WWTR1: variants seen among roughly 807,000 people sequenced by gnomAD.
WWTR1 encodes WW domain-containing transcription regulator protein 1.
In WWTR1, 13 loss-of-function variants were observed where a neutral mutation model predicts 40.1. The ratio of observed to expected loss-of-function variants is 0.32; its 90% CI spans 0.21 to 0.52. The LOEUF is 0.52. Ranked by LOEUF, WWTR1 falls within the 20% of genes least tolerant of loss-of-function variation. WWTR1 has a pLI of 0.97. For synonymous variants in WWTR1, 230 were observed against 210.1 expected (o/e 1.09, Z -0.82); for missense variants, 436 against 523.1 (o/e 0.83, Z 1.63).
At chr3:149,624,214 C>T (rs1025219816) in intron 2 of WWTR1, among the ~76,000 whole-genome samples, 1 of 146,364 alleles carries the variant, frequency 6.8e-6, no homozygotes, top group East Asian at 2.3e-4. Flanking sequence ...CGGGTGAGGG[C>T]GGGTAGAGGG....
chr3:149,715,210 G>A (rs1715574523), intron 5 of WWTR1, among the ~76,000 whole-genome samples: 1 of 152,224 alleles, frequency 6.6e-6, no homozygotes, highest in South Asian at 2.1e-4. Flanking sequence ...TGTCCACCAT[G>A]TTGTGGGTGA....
intron 6 of WWTR1, among the ~76,000 whole-genome samples, chr3:149,521,737 G>T (rs1735054539): frequency 6.6e-6 from 1 of 152,204 alleles, no homozygotes; most frequent in African/African-American, 2.4e-5. Flanking sequence ...TCTGGGATAT[G>T]ACATGAAGAA....
chr3:149,625,030 C>A (rs972332572), intron 2 of WWTR1, among the ~76,000 whole-genome samples: 3 of 151,018 alleles, frequency 2.0e-5, no homozygotes, highest in Non-Finnish European at 2.9e-5. Context: ...CATGCCCGTA[C>A]CATTCTTAAT....
At chr3:149,664,221 G>A (rs532054029) in intron 2 of WWTR1, among the ~76,000 whole-genome samples, 1 of 152,372 alleles carries the variant, frequency 6.6e-6, no homozygotes, top group Non-Finnish European at 1.5e-5. Flanking sequence ...CAGAGCCAGG[G>A]TTGGGTCACC....
chr3:149,684,567 T>C (rs1209372241), intron 1 of WWTR1, among the ~76,000 whole-genome samples: 1 of 152,002 alleles, frequency 6.6e-6, no homozygotes, highest in Non-Finnish European at 1.5e-5. Context: ...TATTCTTTTT[T>C]TTTTTTTCCT....
At position 149,643,282 on chromosome 3, in the gene WWTR1, A is replaced by T. The variant is rs572886680; in HGVS notation, c.431+13594T>A. Among the ~76,000 whole-genome samples the T allele has an allele frequency of 5.1e-4, 78 of 152,278 alleles. No individual in the cohort carries two copies. In the South Asian group the frequency reaches 5.2e-3, roughly 10 times the overall value. ...AAACTACAGTTACATAATATTTGGA[A>T]CCATAAATTTTTTACTGATACTCTC... On this transcript the variant is annotated intron_variant, in intron 2 of 6. Coordinates refer to ENST00000360632, the MANE Select transcript of WWTR1 (RefSeq NM_015472.6).
chr3:149,656,988 C>T lies in WWTR1; in HGVS notation c.319G>A (p.Ala107Thr). 6.3e-7 allele frequency: 1 copy of T among 1,598,590 alleles called. No homozygotes were observed. ...TGGCGGAGGTGCGCGTGCTGCTGCG[C>T]GGGGCTACCCGCAGCACCCGCGCCG... ...GTGAGAAGSP[A>T]QQHAHLRQQS... The change falls in exon 2 of 7, where the codon GCG becomes ACG. Residue 107 changes from alanine (A) to threonine (T), a missense_variant. Transcript: ENST00000360632.
At chr3:149,706,505 A>G (rs1430203164), upstream of WWTR1, among the ~76,000 whole-genome samples, 1 of 151,988 alleles carries the variant, frequency 6.6e-6, no homozygotes, top group East Asian at 1.9e-4. Flanking sequence ...TTTAGTAGAG[A>G]CAGGGTTTCT....
chr3:149,566,536 G>A (rs750036124), intron 3 of WWTR1, among the ~76,000 whole-genome samples: 2 of 152,008 alleles, frequency 1.3e-5, no homozygotes, highest in African/African-American at 4.8e-5. Flanking sequence ...TGTGTCTGCC[G>A]TGAACTCACC....
chr3:149,518,904 C>T lies in WWTR1; in HGVS notation c.*1901G>A, dbSNP rs1456573569. 2 of 151,738 alleles carry T rather than the reference C, an allele frequency of 1.3e-5. No homozygotes were observed. The highest frequency in any genetic ancestry group is 2.9e-5 in the Non-Finnish European group (2 of 67,998). 9.4% of individuals were successfully genotyped at this position (151,738 alleles called of 1,614,324 possible). On this transcript the variant is annotated 3_prime_UTR_variant, in exon 7 of 7. Transcript: ENST00000360632. ...TTCCATTTCACAACTAGTATCCTTT[C>T]CACGATATTCCATAACTTTGCTACT...
At chr3:149,721,766 G>A (rs955043500) in intron 4 of WWTR1, among the ~76,000 whole-genome samples, 1 of 152,130 alleles carries the variant, frequency 6.6e-6, no homozygotes, top group Non-Finnish European at 1.5e-5. Flanking sequence ...GGTTTCTTAT[G>A]TTGCCCAGGC....
chr3:149,703,561 C>T (rs1213412554), upstream of WWTR1, among the ~76,000 whole-genome samples: 1 of 152,108 alleles, frequency 6.6e-6, no homozygotes, highest in African/African-American at 2.4e-5. Flanking sequence ...AAGAATATCT[C>T]CTCCCCACCC....
At chr3:149,587,443 G>C (rs967504059) in intron 2 of WWTR1, among the ~76,000 whole-genome samples, 1 of 152,160 alleles carries the variant, frequency 6.6e-6, no homozygotes, top group Non-Finnish European at 1.5e-5. Context: ...CCACCCAAAA[G>C]GTGGGAAGCG....
At chr3:149,701,554 C>T (rs1004052472) in intron 1 of WWTR1, 4 of 180,120 alleles carry the variant, frequency 2.2e-5, no homozygotes, top group South Asian at 2.0e-4. Context: ...TTCTAAGAAA[C>T]GTATGAATTC....
intron 1 of WWTR1, among the ~76,000 whole-genome samples, chr3:149,698,806 A>T (rs1007192204): frequency 6.6e-6 from 1 of 152,228 alleles, no homozygotes; most frequent in Non-Finnish European, 1.5e-5. Context: ...CACAAGTTGT[A>T]CCTGGGCCCC....
At chr3:149,582,737 A>T (rs1165431018) in intron 2 of WWTR1, among the ~76,000 whole-genome samples, 1 of 152,148 alleles carries the variant, frequency 6.6e-6, no homozygotes, top group African/African-American at 2.4e-5. Flanking sequence ...CTCAAAAATA[A>T]TAATAAAATA....
chr3:149,670,645 A>T (rs1034267951), intron 1 of WWTR1: 2 of 59,898 alleles, frequency 3.3e-5, no homozygotes, highest in African/African-American at 9.2e-5. Context: ...CTCCGTCTCA[A>T]AAAAAAAAAA....
intron 3 of WWTR1, among the ~76,000 whole-genome samples, chr3:149,550,282 A>T (rs1435166573): frequency 6.6e-6 from 1 of 152,196 alleles, no homozygotes; most frequent in Non-Finnish European, 1.5e-5. Context: ...AACTTTTTAA[A>T]TTGCTTCTAG....
Position 149,547,225 on chromosome 3 carries a change from T to A in WWTR1, c.569-4688A>T, listed in dbSNP as rs1216246392. 8.2e-5 allele frequency among the ~76,000 whole-genome samples: 11 copies of A among 134,660 alleles called. No individual in the cohort carries two copies. In the East Asian group the frequency reaches 1.3e-3, roughly 16 times the overall value. The allele number at this position is 134,660 out of a possible 152,430, so 88.3% of individuals were successfully genotyped here. ...TTTAGGGAGAGAACAATAGTTCCATTAAAAAAAAAAAAAAAAGAGCTAGGC... is the reference window on the plus strand; with the variant it reads ...TTTAGGGAGAGAACAATAGTTCCATAAAAAAAAAAAAAAAAAGAGCTAGGC... On this transcript the variant is annotated intron_variant, in intron 3 of 6. Coordinates refer to ENST00000360632, the MANE Select transcript of WWTR1 (RefSeq NM_015472.6).
Sources: gnomAD v4.1 joint callset for allele counts (sites outside exome capture counted in the v4.1 genomes callset) on GRCh38, gnomAD v4.1.1 for gene constraint, MANE v1.5 for transcripts, NCBI Gene and HGNC (gene_info 2026-07-23, HGNC 2026-07-21) for gene names.